Variants in CPAMD8 observed in about 807,000 individuals in gnomAD.
The protein encoded by CPAMD8 is C3 and PZP-like alpha-2-macroglobulin domain-containing protein 8.
CPAMD8 carries 146 observed loss-of-function variants against 224.7 expected under a neutral mutation model. The observed-to-expected ratio is 0.65, with a 90% CI of 0.57 to 0.75. The LOEUF (loss-of-function observed/expected upper bound fraction) is 0.75, where lower values mean the gene tolerates loss of function less well. Among genes scored for constraint, CPAMD8 ranks in the 30% least tolerant of loss-of-function variants. The probability of loss-of-function intolerance (pLI) is 0.00; values close to 1 mark genes in which losing one functional copy is unlikely to be tolerated. For synonymous variants in CPAMD8, 966 were observed against 1,044.6 expected (o/e 0.92, Z 1.45); for missense variants, 2,301 against 2,537.5 (o/e 0.91, Z 2.00).
At chr19:17,008,751 G>A (rs762464796) in intron 6 of CPAMD8, 192 bp from the exon 7 acceptor site, 36 of 669,402 alleles carry the variant, frequency 5.4e-5, no homozygotes, top group Non-Finnish European at 8.5e-5. Context: ...AGAAGGGGAT[G>A]GGCTGGGCCT....
chr19:16,924,388 G>C (rs2144921802), intron 26 of CPAMD8, among the ~76,000 whole-genome samples: 1 of 152,168 alleles, frequency 6.6e-6, no homozygotes, highest in South Asian at 2.1e-4. Context: ...ATTCAACTCT[G>C]GGTGGTGTTT....
chr19:16,937,650 C>CTTTTT (rs550702792), intron 23 of CPAMD8, among the ~76,000 whole-genome samples: 4 of 116,808 alleles, frequency 3.4e-5, no homozygotes, highest in South Asian at 2.8e-4. Flanking sequence ...TAACTTCATA[C>CTTTTT]TTTTTTTTTT....
intron 27 of CPAMD8, among the ~76,000 whole-genome samples, chr19:16,918,832 T>C (rs138771185): frequency 1.1e-4 from 16 of 151,468 alleles, no homozygotes; most frequent in African/African-American, 3.9e-4. Flanking sequence ...GGGCTACCTG[T>C]ATACTTGGGC....
At chr19:16,991,151 C>G (rs1294709164) in intron 12 of CPAMD8, among the ~76,000 whole-genome samples, 1 of 152,096 alleles carries the variant, frequency 6.6e-6, no homozygotes, top group African/African-American at 2.4e-5. Flanking sequence ...TCCTGCTTAG[C>G]AATGCTCAGC....
chr19:16,909,428 C>G (rs2052641654), intron 29 of CPAMD8, among the ~76,000 whole-genome samples: 1 of 152,000 alleles, frequency 6.6e-6, no homozygotes. Context: ...CCTGTAGATC[C>G]AGCTACTCAG....
At chr19:16,961,101 C>G (rs938892245) in intron 18 of CPAMD8, among the ~76,000 whole-genome samples, 1 of 152,118 alleles carries the variant, frequency 6.6e-6, no homozygotes, top group Non-Finnish European at 1.5e-5. Context: ...GTGATTGACA[C>G]GGAAGATGGG....
In CPAMD8 at chr19:16,898,082, T is replaced by C; in HGVS notation, c.4849-88A>G. 1.2e-6 allele frequency: 1 copy of C among 820,154 alleles called. No individual in the cohort carries two copies. Among genetic ancestry groups the C allele is most frequent in the Non-Finnish European group, 1.9e-6 (1 of 514,336 alleles). The allele number at this position is 820,154 out of a possible 1,614,324, so 50.8% of individuals were successfully genotyped here. A position where few individuals can be genotyped will look rare whatever the true frequency, so the allele number is the denominator to read the frequency against. On this transcript the variant is annotated intron_variant, in intron 37 of 41. Coordinates refer to ENST00000443236, the MANE Select transcript of CPAMD8 (RefSeq NM_015692.5). The surrounding 1 kb of genome is among the most constrained non-coding windows in gnomAD (Gnocchi z 4.2). Reference sequence around the variant, plus strand: ...GCCCAGAACTGGCTGATTTCAGGGATACCCAGGACGCGTGAAACACAGAAG... The same window carrying C: ...GCCCAGAACTGGCTGATTTCAGGGACACCCAGGACGCGTGAAACACAGAAG...
intron 2 of CPAMD8, 141 bp from the exon 3 acceptor site, chr19:17,020,494 T>C (rs2056926209): frequency 1.5e-6 from 1 of 667,700 alleles, no homozygotes; most frequent in African/African-American, 1.8e-5. Context: ...CATGCTGGCC[T>C]GGACTGGGCC....
intron 13 of CPAMD8, among the ~76,000 whole-genome samples, chr19:16,983,955 T>G (rs1417629046): frequency 6.6e-6 from 1 of 152,052 alleles, no homozygotes; most frequent in Non-Finnish European, 1.5e-5. Flanking sequence ...CAAAACTTAC[T>G]ACAAAGCTAC....
At chr19:16,935,936 T>C (rs1191151571) in intron 23 of CPAMD8, among the ~76,000 whole-genome samples, 1 of 152,052 alleles carries the variant, frequency 6.6e-6, no homozygotes, top group Non-Finnish European at 1.5e-5. Flanking sequence ...CACTATTTTT[T>C]TTTTTTTTTG....
intron 17 of CPAMD8, 47 bp from the exon 18 acceptor site, chr19:16,971,080 G>A (rs2055048412): frequency 2.6e-6 from 4 of 1,527,144 alleles, no homozygotes; most frequent in Non-Finnish European, 2.7e-6. Context: ...AGTGGATGCT[G>A]ACAGCCCCCA....
At chr19:16,904,176 A>ACCCCCCCCCCCCCCC in intron 32 of CPAMD8, 50 bp downstream of exon 32, 9 of 937,316 alleles carry the variant, frequency 9.6e-6, no homozygotes, top group Admixed American at 2.0e-5. Context: ...GACTGCAGGG[A>ACCCCCCCCCCCCCCC]CCCCACCCAC....
In CPAMD8 at chr19:16,977,550, G is replaced by A. The variant is rs759701728; in HGVS notation, c.1586-10C>T. The A allele has an allele frequency of 6.4e-7, 1 of 1,570,188 alleles. No homozygotes were observed. On this transcript the variant is annotated splice_polypyrimidine_tract_variant and intron_variant, in intron 14 of 41. Transcript: ENST00000443236. Reference sequence around the variant, plus strand: ...GGGGCTGGTGGGGGCTCTGAGGTGAGCAAAAGTAGAGAGAGGTGGTGAATT... The same window carrying A: ...GGGGCTGGTGGGGGCTCTGAGGTGAACAAAAGTAGAGAGAGGTGGTGAATT...
chr19:16,902,067 C>T (rs1294605010), intron 35 of CPAMD8, among the ~76,000 whole-genome samples: 2 of 152,102 alleles, frequency 1.3e-5, no homozygotes, highest in Non-Finnish European at 2.9e-5. Flanking sequence ...GGGCCCGCTG[C>T]GGCCGGGTCC....
chr19:16,960,014 G>T (rs1568530677), intron 18 of CPAMD8, among the ~76,000 whole-genome samples: 1 of 152,128 alleles, frequency 6.6e-6, no homozygotes, highest in African/African-American at 2.4e-5. Flanking sequence ...ATAAAGGCCT[G>T]CAGGGGCCAC....
chr19:16,913,931 C>T lies in CPAMD8; in HGVS notation c.3861+493G>A, dbSNP rs117810025. 3.9e-3 allele frequency among the ~76,000 whole-genome samples: 593 copies of T among 152,262 alleles called. 2 individuals are homozygous for T. Among genetic ancestry groups the T allele is most frequent in the Middle Eastern group, 0.027 (8 of 294 alleles). The stretch of plus-strand genomic sequence containing the variant: ...TGCAGAGACTGTGCCATCCCCCACC[C>T]CAGGAAAGCCTCATAGAAGAGACTA... On this transcript the variant is annotated intron_variant, in intron 29 of 41. Coordinates refer to ENST00000443236, the MANE Select transcript of CPAMD8 (RefSeq NM_015692.5).
At chr19:16,994,288 T>C (rs1026677850) in intron 11 of CPAMD8, among the ~76,000 whole-genome samples, 2 of 152,192 alleles carry the variant, frequency 1.3e-5, no homozygotes, top group Non-Finnish European at 2.9e-5. Flanking sequence ...TTACATGTGC[T>C]AGTCATTAGT....
rs540596107 is a variant in CPAMD8 at position 16,902,288 on chromosome 19, G to A, written c.4685+361C>T. On this transcript the variant is annotated intron_variant, in intron 35 of 41. Transcript: ENST00000443236. Reference sequence around the variant, plus strand: ...TCCCAGCACTTTGGGGGGCTGAGGCGGGCAGATCACGAGGTCAGGAGTTCG... The same window carrying A: ...TCCCAGCACTTTGGGGGGCTGAGGCAGGCAGATCACGAGGTCAGGAGTTCG... Among the ~76,000 whole-genome samples, 14 of 152,160 alleles carry A rather than the reference G, an allele frequency of 9.2e-5. No homozygotes were observed. The South Asian group carries it at 1.9e-3, about 20-fold the overall frequency.
chr19:16,988,317 T>C (rs1185118330), intron 13 of CPAMD8, among the ~76,000 whole-genome samples: 1 of 151,972 alleles, frequency 6.6e-6, no homozygotes, highest in Non-Finnish European at 1.5e-5. Flanking sequence ...CCATAACAAA[T>C]AAATAGCAAC....
Sources: allele counts gnomAD v4.1 joint callset (sites outside exome capture counted in the v4.1 genomes callset), GRCh38; gene constraint gnomAD v4.1.1; non-coding constraint Gnocchi (gnomAD v3.1); transcripts MANE v1.5; gene names NCBI Gene and HGNC (gene_info 2026-07-23, HGNC 2026-07-21).